Variants in DGKA observed in about 807,000 individuals in gnomAD.
The protein encoded by DGKA is 80 kDa diacylglycerol kinase.
A neutral mutation model predicts 105.0 loss-of-function variants in DGKA; 35 were observed. That is an observed-to-expected ratio of 0.33 (90% CI 0.25 to 0.44). The LOEUF (loss-of-function observed/expected upper bound fraction) is 0.44, where lower values mean the gene tolerates loss of function less well. Ranked by LOEUF, DGKA falls within the 20% of genes least tolerant of loss-of-function variation. The probability of loss-of-function intolerance (pLI) is 1.00; values close to 1 mark genes in which losing one functional copy is unlikely to be tolerated. For synonymous variants in DGKA, 296 were observed against 332.0 expected (o/e 0.89, Z 1.18); for missense variants, 665 against 915.0 (o/e 0.73, Z 3.53).
intron 17 of DGKA, among the ~76,000 whole-genome samples, chr12:55,948,918 G>A (rs1425471685): frequency 2.0e-5 from 3 of 152,008 alleles, no homozygotes; most frequent in Non-Finnish European, 4.4e-5. Context: ...AGCTACTTGG[G>A]AGGCTGAGCA....
chr12:55,937,360 A>C lies in DGKA; in HGVS notation c.139-48A>C, dbSNP rs781205047. On this transcript the variant is annotated intron_variant, in intron 3 of 23. Transcript: ENST00000331886. ...CCGCTACTCCCAATTCTTCAGCCCC[A>C]GCTCTGACCTTGCAGACTCCCCAGG... 5.0e-6 allele frequency: 8 copies of C among 1,597,818 alleles called. No individual in the cohort carries two copies. In the Admixed American group the frequency reaches 1.4e-4, roughly 27 times the overall value.
At position 55,952,258 on chromosome 12, in the gene DGKA, T is replaced by C; in HGVS notation, c.1653-83T>C. ...CATGGGACTAAAGTTAGGAGGTTGATGCCCTTCCCTGTCACGTACCACCCC... is the reference window on the plus strand; with the variant it reads ...CATGGGACTAAAGTTAGGAGGTTGACGCCCTTCCCTGTCACGTACCACCCC... On this transcript the variant is annotated intron_variant, in intron 19 of 23. Coordinates refer to ENST00000331886, the MANE Select transcript of DGKA (RefSeq NM_001345.5). This position sits in a 1 kb window ranked among gnomAD's most constrained non-coding sequence, Gnocchi z 5.1. The C allele has an allele frequency of 6.6e-7, 1 of 1,517,126 alleles. No individual in the cohort carries two copies. Among genetic ancestry groups the C allele is most frequent in the Non-Finnish European group, 9.2e-7 (1 of 1,092,276 alleles). 94.0% of individuals were successfully genotyped at this position (1,517,126 alleles called of 1,614,324 possible). A position where few individuals can be genotyped will look rare whatever the true frequency, so the allele number is the denominator to read the frequency against.
At chr12:55,944,535 G>C (rs1886636599) in intron 17 of DGKA, among the ~76,000 whole-genome samples, 1 of 152,154 alleles carries the variant, frequency 6.6e-6, no homozygotes, top group South Asian at 2.1e-4. Context: ...GGATTGAAGG[G>C]ATTATCACTA....
chr12:55,953,365 T>C lies in DGKA; in HGVS notation c.2079T>C (p.Leu693=). 6.2e-7 allele frequency: 1 copy of C among 1,614,018 alleles called. No individual in the cohort carries two copies. Among genetic ancestry groups the C allele is most frequent in the Non-Finnish European group, 8.5e-7 (1 of 1,179,972 alleles). Residue 693 remains leucine, a synonymous_variant, in exon 23 of 24, where the codon CTT becomes CTC. Coordinates refer to ENST00000331886, the MANE Select transcript of DGKA (RefSeq NM_001345.5). ...SEITFHTTKT[L]PMQIDGEPWM... ...CCTCCTATAGCACCACAAAAACCCT[T>C]CCCATGCAAATTGACGGAGAACCCT...
At chr12:55,941,919 G>A (rs1212244691) in intron 15 of DGKA, 79 bp from the exon 16 acceptor site, 15 of 1,441,084 alleles carry the variant, frequency 1.0e-5, no homozygotes, top group Middle Eastern at 1.8e-4. Context: ...TGAGAGACAA[G>A]AAGCAATCTG....
At position 55,942,377 on chromosome 12, in the gene DGKA, G is replaced by A; in HGVS notation, c.1426+114G>A. On this transcript the variant is annotated intron_variant, in intron 17 of 23. Transcript: ENST00000331886. ...TGGAAAGGATTGGGGAAGAAGAGGGGCACAGACAGGTGGATACAAAAGTGG... is the reference window on the plus strand; with the variant it reads ...TGGAAAGGATTGGGGAAGAAGAGGGACACAGACAGGTGGATACAAAAGTGG... 2.1e-6 allele frequency: 2 copies of A among 966,296 alleles called. 1 individual carries two copies. The highest frequency in any genetic ancestry group is 2.8e-5 in the South Asian group (2 of 72,662). 59.9% of individuals were successfully genotyped at this position (966,296 alleles called of 1,614,324 possible). A position where few individuals can be genotyped will look rare whatever the true frequency, so the allele number is the denominator to read the frequency against.
intron 5 of DGKA, chr12:55,938,253 T>G: frequency 3.0e-6 from 2 of 663,804 alleles, no homozygotes; most frequent in Non-Finnish European, 5.2e-6. Context: ...CCAGTACCCA[T>G]GTCTTGTGCA....
At chr12:55,936,302 A>T in intron 1 of DGKA, 121 bp from the exon 2 acceptor site, 1 of 1,121,044 alleles carries the variant, frequency 8.9e-7, no homozygotes, top group Non-Finnish European at 1.2e-6. Flanking sequence ...TTAGGGAGGG[A>T]CTAGGAGAGA....
rs1358132146 is a variant in DGKA, at chr12:55,940,448, C to T, written c.918+15C>T. On this transcript the variant is annotated intron_variant, in intron 11 of 23. Coordinates refer to ENST00000331886, the MANE Select transcript of DGKA (RefSeq NM_001345.5). This position sits in a 1 kb window ranked among gnomAD's most constrained non-coding sequence, Gnocchi z 4.3. The stretch of plus-strand genomic sequence containing the variant: ...GCCACCTAGAGGTCAGTTTGGGAGC[C>T]ATCCCTTCTGGGTGCGTCTTACCCC... 7 of 1,613,586 alleles carry T rather than the reference C, an allele frequency of 4.3e-6. No homozygotes were observed. The highest frequency in any genetic ancestry group is 5.9e-6 in the Non-Finnish European group (7 of 1,179,798).
Position 55,952,988 on chromosome 12 carries a change from C to T in DGKA, c.1943-52C>T, listed in dbSNP as rs1415068920. ...GCAGGACGAAGGGAAAGTGTGACTC[C>T]CTATGGGGATACCCTGTTTATGTAA... On this transcript the variant is annotated intron_variant, in intron 21 of 23. Coordinates refer to ENST00000331886, the MANE Select transcript of DGKA (RefSeq NM_001345.5). This position sits in a 1 kb window ranked among gnomAD's most constrained non-coding sequence, Gnocchi z 5.1. 1.1e-5 allele frequency: 18 copies of T among 1,613,978 alleles called. No individual in the cohort carries two copies. Among genetic ancestry groups the T allele is most frequent in the Non-Finnish European group, 1.5e-5 (18 of 1,180,006 alleles).
Position 55,952,813 on chromosome 12 carries a change from G to C in DGKA, c.1823G>C (p.Gly608Ala), listed in dbSNP as rs1403610711. 1 of 1,614,014 alleles carries C rather than the reference G, an allele frequency of 6.2e-7. No homozygotes were observed. The highest frequency in any genetic ancestry group is 1.7e-5 in the Admixed American group (1 of 59,998). Reference protein sequence around the residue: ...AVLNIPSMHGGSNLWGDTRRP... With the variant: ...AVLNIPSMHGASNLWGDTRRP... ...CTAAACATCCCTAGCATGCATGGTG[G>C]CTCCAACCTCTGGGGTGATACCAGG... is the stretch of plus-strand genomic sequence containing the variant. The change falls in exon 21 of 24, where the codon GGC (glycine) becomes GCC (alanine). Residue 608 changes from glycine to alanine, a missense_variant. Physicochemically the swap from Gly to Ala is moderately conservative, Grantham distance 60. This residue lies in a region of DGKA where 158 missense variants were observed against 213.4 expected (regional missense o/e 0.74). Coordinates refer to ENST00000331886, the MANE Select transcript of DGKA (RefSeq NM_001345.5). The surrounding 1 kb of genome is among the most constrained non-coding windows in gnomAD (Gnocchi z 5.1).
Position 55,940,208 on chromosome 12 carries a change from C to T in DGKA, c.798+38C>T. ...ATGCCTCCACCCCCAACATCACCTA[C>T]ATCCTGGCCCTGGCCCTGGCCCTTG... On this transcript the variant is annotated intron_variant, in intron 10 of 23. Coordinates refer to ENST00000331886, the MANE Select transcript of DGKA (RefSeq NM_001345.5). This position sits in a 1 kb window ranked among gnomAD's most constrained non-coding sequence, Gnocchi z 4.3. 2 of 1,613,696 alleles carry T rather than the reference C, an allele frequency of 1.2e-6. No homozygotes were observed. Among genetic ancestry groups the T allele is most frequent in the Non-Finnish European group, 1.7e-6 (2 of 1,179,542 alleles).
At chr12:55,935,180 C>T (rs1884390576) in intron 1 of DGKA, 1 of 152,190 alleles carries the variant, frequency 6.6e-6, no homozygotes, top group African/African-American at 2.4e-5. Flanking sequence ...ATTGTTAGTA[C>T]AATAATAACT....
chr12:55,929,441 C>T (rs2136273332), upstream of DGKA: 1 of 152,372 alleles, frequency 6.6e-6, no homozygotes, highest in Middle Eastern at 3.4e-3. Context: ...CTGTTCACTA[C>T]CAACCCTAGG....
At chr12:55,942,372 G>C in intron 17 of DGKA, 109 bp downstream of exon 17, 1 of 1,020,432 alleles carries the variant, frequency 9.8e-7, no homozygotes. Flanking sequence ...TGGGGAAGAA[G>C]AGGGGCACAG....
At position 55,936,444 on chromosome 12, in the gene DGKA, A is replaced by C; in HGVS notation, c.-60A>C. ...CCAGGCCTACCCTCTGAAGAGGTCC[A>C]AGCAACGGAAGTACTACTACGAAGC... On this transcript the variant is annotated 5_prime_UTR_variant, in exon 2 of 24. Coordinates refer to ENST00000331886, the MANE Select transcript of DGKA (RefSeq NM_001345.5). 6.3e-7 allele frequency: 1 copy of C among 1,596,008 alleles called. No individual in the cohort carries two copies. The highest frequency in any genetic ancestry group is 8.6e-7 in the Non-Finnish European group (1 of 1,169,398).
Position 55,952,901 on chromosome 12 carries a change from C to T in DGKA, c.1911C>T (p.Thr637=), listed in dbSNP as rs150840309. ...QALGATAKVI[T]DPDILKTCVP... ...TAGGTGCTACAGCTAAAGTCATCAC[C>T]GACCCTGATATCCTGAAAACCTGTG... Residue 637 remains threonine (T), a synonymous_variant, in exon 21 of 24, where the codon ACC becomes ACT. Coordinates refer to ENST00000331886, the MANE Select transcript of DGKA (RefSeq NM_001345.5). The surrounding 1 kb of genome is among the most constrained non-coding windows in gnomAD (Gnocchi z 5.1). 36 of 1,614,046 alleles carry T rather than the reference C, an allele frequency of 2.2e-5. No homozygotes were observed. The highest frequency in any genetic ancestry group is 1.5e-4 in the African/African-American group (11 of 74,904).
At chr12:55,953,456 T>C in intron 23 of DGKA, 46 bp downstream of exon 23, 1 of 1,591,156 alleles carries the variant, frequency 6.3e-7, no homozygotes, top group South Asian at 1.1e-5. Flanking sequence ...TTGGGCTCCA[T>C]GGATCCTAAA....
At position 55,952,197 on chromosome 12, in the gene DGKA, T is replaced by C. The variant is rs1888301250; in HGVS notation, c.1652+98T>C. The C allele has an allele frequency of 1.3e-6, 2 of 1,545,356 alleles. No individual in the cohort carries two copies. The highest frequency in any genetic ancestry group is 1.4e-5 in the African/African-American group (1 of 73,624). On this transcript the variant is annotated intron_variant, in intron 19 of 23. Transcript: ENST00000331886. This position sits in a 1 kb window ranked among gnomAD's most constrained non-coding sequence, Gnocchi z 5.1. The stretch of plus-strand genomic sequence containing the variant: ...TTGCTCAGAAGAACAGTGGCACCTC[T>C]AGGAGGTCCCCCCAACCAAAGCCAC...
Sources: gnomAD v4.1 joint callset for allele counts (sites outside exome capture counted in the v4.1 genomes callset) on GRCh38, gnomAD v4.1.1 for gene constraint, gnomAD v4.1.1 regional missense constraint, Gnocchi (gnomAD v3.1) non-coding constraint, MANE v1.5 for transcripts, NCBI Gene and HGNC (gene_info 2026-07-23, HGNC 2026-07-21) for gene names.